Variants in DPP10 observed in about 807,000 individuals in gnomAD.
The protein encoded by DPP10 is dipeptidyl peptidase like 10, also known as inactive dipeptidyl peptidase 10.
Under a neutral mutation model 120.9 loss-of-function variants are expected in DPP10, and 33 were observed. That is an observed-to-expected ratio of 0.27 (90% CI 0.21 to 0.37). The LOEUF is 0.37. Ranked by LOEUF, DPP10 falls within the 10% of genes least tolerant of loss-of-function variation. DPP10 has a pLI of 1.00. For synonymous variants in DPP10, 337 were observed against 326.1 expected (o/e 1.03, Z -0.36); for missense variants, 816 against 942.8 (o/e 0.87, Z 1.76).
At chr2:114,929,619 T>C (rs1414659941) in intron 1 of DPP10, among the ~76,000 whole-genome samples, 3 of 152,204 alleles carry the variant, frequency 2.0e-5, no homozygotes, top group Non-Finnish European at 4.4e-5. Context: ...ATCTCCCTTG[T>C]TCCCTGAAAA....
At chr2:115,715,354 A>AG (rs2092458827) in intron 7 of DPP10, among the ~76,000 whole-genome samples, 1 of 149,478 alleles carries the variant, frequency 6.7e-6, no homozygotes, top group Admixed American at 6.7e-5. Flanking sequence ...AAAAAAAAAA[A>AG]AAAAAAAAAG....
intron 3 of DPP10, among the ~76,000 whole-genome samples, chr2:115,386,241 G>A (rs2066921039): frequency 6.6e-6 from 1 of 152,064 alleles, no homozygotes; most frequent in Non-Finnish European, 1.5e-5. Flanking sequence ...AAAATATTCT[G>A]TGTTATAAAA....
intron 1 of DPP10, chr2:115,161,565 C>G (rs1419414626): frequency 6.3e-6 from 1 of 159,470 alleles, no homozygotes; most frequent in Admixed American, 6.5e-5. Context: ...GCGCGGGGAG[C>G]CCCCGGGGGC....
At chr2:114,886,101 A>G (rs1231158052) in intron 1 of DPP10, among the ~76,000 whole-genome samples, 1 of 152,198 alleles carries the variant, frequency 6.6e-6, no homozygotes, top group Non-Finnish European at 1.5e-5. Context: ...TTACTTTTGG[A>G]CAAATTTAAA....
chr2:114,617,115 G>T (rs778149724), intron 1 of DPP10, among the ~76,000 whole-genome samples: 1 of 151,944 alleles, frequency 6.6e-6, no homozygotes, highest in South Asian at 2.1e-4. Flanking sequence ...GTTACAAAAA[G>T]AAAAAGTGAC....
intron 1 of DPP10, among the ~76,000 whole-genome samples, chr2:115,012,680 C>T (rs13419168): frequency 6.6e-5 from 10 of 152,268 alleles, no homozygotes; most frequent in South Asian, 2.1e-4. Flanking sequence ...GAAGACTGAA[C>T]GGCAGCACTT....
intron 19 of DPP10, among the ~76,000 whole-genome samples, chr2:115,794,749 C>T (rs369089815): frequency 6.6e-6 from 1 of 152,016 alleles, no homozygotes; most frequent in Non-Finnish European, 1.5e-5. Flanking sequence ...TATAGGGAGC[C>T]CTTAAGGACC....
chr2:115,570,139 C>T (rs1414888061), intron 5 of DPP10, among the ~76,000 whole-genome samples: 1 of 152,168 alleles, frequency 6.6e-6, no homozygotes, highest in Admixed American at 6.5e-5. Context: ...GAGAAATCAA[C>T]ACAACCGGGA....
intron 21 of DPP10, among the ~76,000 whole-genome samples, chr2:115,827,998 G>A (rs967793419): frequency 5.9e-5 from 9 of 152,200 alleles, no homozygotes; most frequent in African/African-American, 2.2e-4. Context: ...TCTTTGTGTA[G>A]ATACAGATTT....
At chr2:114,681,141 C>A (rs1323185722) in intron 1 of DPP10, among the ~76,000 whole-genome samples, 4 of 151,860 alleles carry the variant, frequency 2.6e-5, no homozygotes, top group African/African-American at 7.2e-5. Context: ...TTTCTGAAGT[C>A]TTTTTCAATG....
intron 1 of DPP10, among the ~76,000 whole-genome samples, chr2:114,473,324 A>G (rs1680091969): frequency 6.6e-6 from 1 of 152,224 alleles, no homozygotes; most frequent in Non-Finnish European, 1.5e-5. Flanking sequence ...AGTGATAAAT[A>G]ATAATGGTGC....
At chr2:114,820,649 G>C (rs966805863) in intron 1 of DPP10, among the ~76,000 whole-genome samples, 5 of 152,208 alleles carry the variant, frequency 3.3e-5, no homozygotes, top group Non-Finnish European at 5.9e-5. Context: ...TGGAACGAGT[G>C]CTGAGGGGAA....
intron 1 of DPP10, among the ~76,000 whole-genome samples, chr2:115,215,774 G>A (rs903809780): frequency 1.3e-5 from 2 of 152,198 alleles, no homozygotes; most frequent in African/African-American, 4.8e-5. Context: ...CACCCCCACA[G>A]AACTAATATG....
rs879769578 is a variant in DPP10, at chr2:115,225,510, TGC to T, written c.61-83727_61-83726del. On this transcript the variant is annotated intron_variant, in intron 1 of 25. Transcript: ENST00000410059. ...CCGCATGAATGTGTGTGTGTGTGTG[TGC>T]GTGTGTGTGTGTGTGTGTATGCATG... is the stretch of plus-strand genomic sequence containing the variant. Among the ~76,000 whole-genome samples the T allele has an allele frequency of 4.7e-3, 673 of 142,096 alleles. 1 individual carries two copies. The highest frequency in any genetic ancestry group is 0.015 in the African/African-American group (588 of 39,878). The allele number at this position is 142,096 out of a possible 152,430, so 93.2% of individuals were successfully genotyped here.
chr2:115,135,602 C>T (rs953016293), intron 1 of DPP10, among the ~76,000 whole-genome samples: 3 of 152,270 alleles, frequency 2.0e-5, no homozygotes, highest in Admixed American at 1.3e-4. Flanking sequence ...GAAATCATTT[C>T]TACTCTCCAG....
At chr2:114,581,869 GCCACATCCTTTC>G (rs1246845446) in intron 1 of DPP10, among the ~76,000 whole-genome samples, 2 of 152,144 alleles carry the variant, frequency 1.3e-5, no homozygotes, top group African/African-American at 4.8e-5. Context: ...GCATATATCT[GCCACATCCTTTC>G]CCAGTTTTCC....
chr2:115,185,996 A>G (rs573822516), intron 1 of DPP10, among the ~76,000 whole-genome samples: 10 of 152,378 alleles, frequency 6.6e-5, no homozygotes, highest in African/African-American at 2.2e-4. Flanking sequence ...CCTCTACTTC[A>G]TAATAAATAC....
intron 5 of DPP10, among the ~76,000 whole-genome samples, chr2:115,557,271 T>G (rs2080273932): frequency 1.3e-5 from 2 of 152,140 alleles, no homozygotes; most frequent in African/African-American, 4.8e-5. Context: ...GACACTACAC[T>G]ACTTCTAAGG....
chr2:115,342,664 G>A (rs1272810372), intron 2 of DPP10, among the ~76,000 whole-genome samples: 1 of 152,150 alleles, frequency 6.6e-6, no homozygotes, highest in Non-Finnish European at 1.5e-5. Context: ...ATTCTGGTGT[G>A]TCAGACTGCC....
Sources: gnomAD v4.1 joint callset for allele counts (sites outside exome capture counted in the v4.1 genomes callset) on GRCh38, gnomAD v4.1.1 for gene constraint, MANE v1.5 for transcripts, NCBI Gene and HGNC (gene_info 2026-07-23, HGNC 2026-07-21) for gene names.